Variants in ATRNL1 observed in about 807,000 individuals in gnomAD.
The protein encoded by ATRNL1 is attractin-like protein 1.
Under a neutral mutation model 182.7 loss-of-function variants are expected in ATRNL1, and 95 were observed. That is an observed-to-expected ratio of 0.52 (90% CI 0.44 to 0.62). The LOEUF is 0.62. ATRNL1 is among the 20% of genes least tolerant of loss of function. The pLI, the probability that ATRNL1 is intolerant of heterozygous loss-of-function variation, is 0.00. For synonymous variants in ATRNL1, 576 were observed against 568.3 expected (o/e 1.01, Z -0.19); for missense variants, 1,471 against 1,679.5 (o/e 0.88, Z 2.17).
At chr10:115,658,466 T>G (rs1314186178) in intron 26 of ATRNL1, among the ~76,000 whole-genome samples, 29 of 152,286 alleles carry the variant, frequency 1.9e-4, no homozygotes, top group African/African-American at 6.3e-4. Context: ...TCTATTAGTA[T>G]CCTTCTTCTG....
rs145443170 is a variant in ATRNL1 at position 115,182,274 on chromosome 10, A to G, written c.1348+10982A>G. ...TGCTGATTACTATTGTTCTAGGTATACTGAGGATTAAAACTGACAGAACAG... is the reference window on the plus strand; with the variant it reads ...TGCTGATTACTATTGTTCTAGGTATGCTGAGGATTAAAACTGACAGAACAG... On this transcript the variant is annotated intron_variant, in intron 8 of 28. Coordinates refer to ENST00000355044, the MANE Select transcript of ATRNL1 (RefSeq NM_207303.4). 2.4e-3 allele frequency among the ~76,000 whole-genome samples: 357 copies of G among 151,686 alleles called. 7 individuals carry two copies. Among genetic ancestry groups the G allele is most frequent in the Admixed American group, 0.018 (273 of 15,206 alleles).
At chr10:115,589,986 C>G (rs1555011679) in intron 26 of ATRNL1, among the ~76,000 whole-genome samples, 1 of 152,102 alleles carries the variant, frequency 6.6e-6, no homozygotes, top group Admixed American at 6.6e-5. Context: ...TGTAAGTTAG[C>G]TTTAATATAG....
intron 15 of ATRNL1, among the ~76,000 whole-genome samples, chr10:115,293,367 G>T (rs1349671406): frequency 6.6e-6 from 1 of 152,012 alleles, no homozygotes; most frequent in African/African-American, 2.4e-5. Context: ...TTATTGGAAG[G>T]TGAGAATTAT....
At chr10:115,380,077 G>A (rs546566154) in intron 19 of ATRNL1, among the ~76,000 whole-genome samples, 30 of 152,240 alleles carry the variant, frequency 2.0e-4, no homozygotes, top group African/African-American at 7.0e-4. Flanking sequence ...TGATCCGCCC[G>A]CCTCAGCCTC....
rs191620714 is a variant in ATRNL1 at position 115,710,866 on chromosome 10, T to G, written c.3796-16382T>G. Among the ~76,000 whole-genome samples, 576 of 152,194 alleles carry G rather than the reference T, an allele frequency of 3.8e-3. 8 individuals carry two copies. The highest frequency in any genetic ancestry group is 0.013 in the African/African-American group (551 of 41,554). ...GTATTAGAAAGGGTAAAGCTATAAG[T>G]GAGTTAAGCCTTCAAAATGAACTTT... On this transcript the variant is annotated intron_variant, in intron 26 of 28. Transcript: ENST00000355044.
chr10:115,798,202 C>T (rs558447019), intron 27 of ATRNL1, among the ~76,000 whole-genome samples: 1 of 152,310 alleles, frequency 6.6e-6, no homozygotes, highest in East Asian at 1.9e-4. Flanking sequence ...CAGGCAGGAG[C>T]CACCGCGCCC....
chr10:115,854,329 A>G (rs782383723), intron 28 of ATRNL1, among the ~76,000 whole-genome samples: 1 of 152,022 alleles, frequency 6.6e-6, no homozygotes, highest in Non-Finnish European at 1.5e-5. Context: ...CACCTTCTGG[A>G]AACCTTCCCC....
chr10:115,553,741 T>G (rs1853141999), intron 26 of ATRNL1, among the ~76,000 whole-genome samples: 2 of 151,484 alleles, frequency 1.3e-5, no homozygotes, highest in Admixed American at 6.6e-5. Flanking sequence ...AGTTCTTTCC[T>G]TCTATACCTG....
rs187841629 is a variant in ATRNL1 at position 115,851,240 on chromosome 10, G to A, written c.4018+3249G>A. Among the ~76,000 whole-genome samples, 227 of 152,244 alleles carry A rather than the reference G, an allele frequency of 1.5e-3. 1 individual carries two copies. Among genetic ancestry groups the A allele is most frequent in the Non-Finnish European group, 2.5e-3 (169 of 68,022 alleles). On this transcript the variant is annotated intron_variant, in intron 28 of 28. Transcript: ENST00000355044. Reference sequence around the variant, plus strand: ...AGGATGAGCTTGAGGATCTGCAAAGGCAGAAGCATCCTATGAGCATGGTGG... The same window carrying A: ...AGGATGAGCTTGAGGATCTGCAAAGACAGAAGCATCCTATGAGCATGGTGG...
intron 25 of ATRNL1, among the ~76,000 whole-genome samples, chr10:115,537,190 C>T (rs545811611): frequency 3.3e-5 from 5 of 152,188 alleles, no homozygotes; most frequent in Admixed American, 1.3e-4. Flanking sequence ...AGTGATGGTA[C>T]GTTTTCTTGC....
chr10:115,416,351 A>T (rs1845389798), intron 20 of ATRNL1, among the ~76,000 whole-genome samples: 1 of 152,182 alleles, frequency 6.6e-6, no homozygotes, highest in Non-Finnish European at 1.5e-5. Context: ...ATTGGTGTTT[A>T]AATTTAACTC....
chr10:115,336,810 A>G (rs1025476950), intron 19 of ATRNL1, among the ~76,000 whole-genome samples: 31 of 152,018 alleles, frequency 2.0e-4, no homozygotes, highest in African/African-American at 7.5e-4. Context: ...CATAACAGAC[A>G]CTTAACTATG....
At position 115,591,983 on chromosome 10, in the gene ATRNL1, A is replaced by T. The variant is rs145727547; in HGVS notation, c.3795+42447A>T. 2.6e-3 allele frequency among the ~76,000 whole-genome samples: 391 copies of T among 152,338 alleles called. 1 individual carries two copies. Among genetic ancestry groups the T allele is most frequent in the African/African-American group, 9.1e-3 (377 of 41,566 alleles). On this transcript the variant is annotated intron_variant, in intron 26 of 28. Transcript: ENST00000355044. ...TAGTACATGTACAACATGGAATACT[A>T]TGCAGCCATAAAAGAGAAAAAATCA...
chr10:115,113,842 A>G (rs557629137), intron 1 of ATRNL1, among the ~76,000 whole-genome samples: 11 of 152,256 alleles, frequency 7.2e-5, no homozygotes, highest in Non-Finnish European at 1.2e-4. Flanking sequence ...AATGTAAACA[A>G]GACTGCATTG....
At chr10:115,637,388 A>G (rs1858943594) in intron 26 of ATRNL1, among the ~76,000 whole-genome samples, 2 of 152,122 alleles carry the variant, frequency 1.3e-5, no homozygotes. Flanking sequence ...CATCTGTCTT[A>G]GTTTTTTTAA....
intron 27 of ATRNL1, among the ~76,000 whole-genome samples, chr10:115,763,201 T>C (rs1948775051): frequency 6.6e-6 from 1 of 152,112 alleles, no homozygotes; most frequent in South Asian, 2.1e-4. Context: ...CATTTATCCA[T>C]CATTCAAAAA....
At chr10:115,710,949 A>T (rs1555054360) in intron 26 of ATRNL1, among the ~76,000 whole-genome samples, 1 of 152,080 alleles carries the variant, frequency 6.6e-6, no homozygotes, top group Non-Finnish European at 1.5e-5. Flanking sequence ...TGCAGATATG[A>T]TATATCTTAA....
intron 9 of ATRNL1, among the ~76,000 whole-genome samples, chr10:115,218,227 G>A (rs1345706806): frequency 3.3e-5 from 5 of 151,580 alleles, no homozygotes; most frequent in Non-Finnish European, 7.4e-5. Flanking sequence ...AAAGTGTTTT[G>A]CCTATGTTCA....
intron 10 of ATRNL1, among the ~76,000 whole-genome samples, chr10:115,243,481 C>A (rs1850506877): frequency 6.6e-6 from 1 of 151,922 alleles, no homozygotes; most frequent in Non-Finnish European, 1.5e-5. Flanking sequence ...GTACTATTAT[C>A]CTAATATTCA....
Sources: allele counts gnomAD v4.1 joint callset (sites outside exome capture counted in the v4.1 genomes callset), GRCh38; gene constraint gnomAD v4.1.1; transcripts MANE v1.5; gene names NCBI Gene and HGNC (gene_info 2026-07-23, HGNC 2026-07-21).